Variants in KDM2A observed in about 807,000 individuals in gnomAD.
The protein encoded by KDM2A is lysine-specific demethylase 2A.
Under a neutral mutation model 137.3 loss-of-function variants are expected in KDM2A, and 3 were observed. That is an observed-to-expected ratio of 0.02 (90% CI 0.01 to 0.06). The LOEUF (loss-of-function observed/expected upper bound fraction) is 0.06. Among genes scored for constraint, KDM2A ranks in the 10% least tolerant of loss-of-function variants. The pLI, the probability that KDM2A is intolerant of heterozygous loss-of-function variation, is 1.00. For synonymous variants in KDM2A, 512 were observed against 541.5 expected (o/e 0.95, Z 0.76); for missense variants, 738 against 1,510.6 (o/e 0.49, Z 8.48).
chr11:67,255,625 C>T lies in KDM2A; in HGVS notation c.*570C>T, dbSNP rs1434415621. The T allele has an allele frequency of 8.8e-6, 4 of 454,138 alleles. No individual in the cohort carries two copies. Among genetic ancestry groups the T allele is most frequent in the South Asian group, 1.6e-5 (1 of 64,394 alleles). 28.1% of individuals were successfully genotyped at this position (454,138 alleles called of 1,614,324 possible). A position where few individuals can be genotyped will look rare whatever the true frequency, so the allele number is the denominator to read the frequency against. On this transcript the variant is annotated 3_prime_UTR_variant, in exon 21 of 21. Coordinates refer to ENST00000529006, the MANE Select transcript of KDM2A (RefSeq NM_012308.3). ...CCCAAACCTCACGTCCTTAACTGTG[C>T]TCTCCCTCCTTTCCTCTCCCTTGAG...
At chr11:67,240,149 G>T (rs1490496723) in intron 12 of KDM2A, 2 of 1,456,688 alleles carry the variant, frequency 1.4e-6, no homozygotes, top group African/African-American at 1.4e-5. Flanking sequence ...GGAGCCCAGA[G>T]CGCTGCACGC....
At position 67,254,460 on chromosome 11, in the gene KDM2A, C is replaced by G. The variant is rs750579484; in HGVS notation, c.3307+42C>G. 4 of 1,536,044 alleles carry G rather than the reference C, an allele frequency of 2.6e-6. No homozygotes were observed. The highest frequency in any genetic ancestry group is 3.6e-6 in the Non-Finnish European group (4 of 1,111,498). ...GTTCATAATCAGCGGTGCCCCCTGC[C>G]TCCAGCCCTCCCTGGAACTTGATCA... On this transcript the variant is annotated intron_variant, in intron 20 of 20. Transcript: ENST00000529006. The surrounding 1 kb of genome is among the most constrained non-coding windows in gnomAD (Gnocchi z 4.7).
intron 4 of KDM2A, 99 bp downstream of exon 4, chr11:67,181,497 T>G: frequency 1.4e-6 from 1 of 719,016 alleles, no homozygotes; most frequent in East Asian, 2.8e-5. Context: ...ACAATAGTAA[T>G]TGAAAATAAT....
rs1859667152 is a variant in KDM2A at position 67,258,017 on chromosome 11, TAG to T, written c.*2963_*2964del. 1 of 152,246 alleles carries T rather than the reference TAG, an allele frequency of 6.6e-6. No homozygotes were observed. Among genetic ancestry groups the T allele is most frequent in the Non-Finnish European group, 1.5e-5 (1 of 68,042 alleles). 9.4% of individuals were successfully genotyped at this position (152,246 alleles called of 1,614,324 possible). A position where few individuals can be genotyped will look rare whatever the true frequency, so the allele number is the denominator to read the frequency against. ...GCCTCCAATGGGAAATATTTTAATTTAGGTTTTGTTTTTGTTTGGGGGTTTTT... is the reference window on the plus strand; with the variant it reads ...GCCTCCAATGGGAAATATTTTAATTTGTTTTGTTTTTGTTTGGGGGTTTTT... On this transcript the variant is annotated 3_prime_UTR_variant, in exon 21 of 21. Transcript: ENST00000529006.
chr11:67,241,879 G>A (rs1220561606), intron 12 of KDM2A, among the ~76,000 whole-genome samples: 2 of 152,110 alleles, frequency 1.3e-5, no homozygotes, highest in African/African-American at 4.8e-5. Flanking sequence ...GACCAGCCTG[G>A]CCAACATGGT....
chr11:67,164,723 C>T (rs1488097497), intron 2 of KDM2A, among the ~76,000 whole-genome samples: 42 of 151,766 alleles, frequency 2.8e-4, no homozygotes, highest in Admixed American at 2.6e-3. Context: ...CAGGGTCAAG[C>T]GATTCTTCTG....
chr11:67,129,979 T>C (rs1447785781), intron 2 of KDM2A, among the ~76,000 whole-genome samples: 1 of 151,636 alleles, frequency 6.6e-6, no homozygotes, highest in Non-Finnish European at 1.5e-5. Context: ...TTTTTTCTTT[T>C]GTGAGACAGT....
chr11:67,153,828 A>C (rs1207477637), intron 2 of KDM2A, among the ~76,000 whole-genome samples: 1 of 151,944 alleles, frequency 6.6e-6, no homozygotes, highest in Non-Finnish European at 1.5e-5. Context: ...AAAAAAAAAA[A>C]AACACCAAAA....
intron 2 of KDM2A, among the ~76,000 whole-genome samples, chr11:67,172,098 T>G (rs1433789503): frequency 1.3e-5 from 2 of 152,198 alleles, no homozygotes; most frequent in Non-Finnish European, 1.5e-5. Context: ...CAAGCCATCC[T>G]TCTACCTCAG....
At chr11:67,221,334 G>T (rs1294829572) in intron 10 of KDM2A, among the ~76,000 whole-genome samples, 1 of 152,200 alleles carries the variant, frequency 6.6e-6, no homozygotes, top group African/African-American at 2.4e-5. Flanking sequence ...TTGCAGAGAA[G>T]AGTGTAGAAC....
rs1855555047 is a variant in KDM2A, at chr11:67,119,777, A to T, written c.-356A>T. 1 of 150,498 alleles carries T rather than the reference A, an allele frequency of 6.6e-6. No homozygotes were observed. Among genetic ancestry groups the T allele is most frequent in the Non-Finnish European group, 1.5e-5 (1 of 67,424 alleles). The allele number at this position is 150,498 out of a possible 1,614,324, so 9.3% of individuals were successfully genotyped here. ...CCCGGGGCTCGGGCCCGGGCTGCTG[A>T]CCGCTGGCCTGGGGGAGGCGGGGGC... is the stretch of plus-strand genomic sequence containing the variant. On this transcript the variant is annotated 5_prime_UTR_variant, in exon 1 of 21. Coordinates refer to ENST00000529006, the MANE Select transcript of KDM2A (RefSeq NM_012308.3).
intron 2 of KDM2A, among the ~76,000 whole-genome samples, chr11:67,156,250 A>C (rs1490817767): frequency 7.1e-6 from 1 of 141,244 alleles, no homozygotes; most frequent in Admixed American, 6.9e-5. Context: ...CTCCGTCTCA[A>C]AAAAAAAAAA....
intron 9 of KDM2A, 105 bp from the exon 10 acceptor site, chr11:67,219,183 G>C: frequency 2.1e-6 from 1 of 467,488 alleles, no homozygotes; most frequent in Non-Finnish European, 3.8e-6. Flanking sequence ...CTAAGAAGCA[G>C]AATCAGAGTG....
At chr11:67,133,330 G>C (rs1855895972) in intron 2 of KDM2A, among the ~76,000 whole-genome samples, 1 of 152,026 alleles carries the variant, frequency 6.6e-6, no homozygotes, top group African/African-American at 2.4e-5. Context: ...TCAAACTCCT[G>C]ACCTCAAGTG....
chr11:67,231,451 A>C, intron 11 of KDM2A, 115 bp from the exon 12 acceptor site: 1 of 935,436 alleles, frequency 1.1e-6, no homozygotes. Flanking sequence ...CATTTTTTTA[A>C]ATGTGGTAAT....
At chr11:67,248,531 ATTTTC>A in intron 16 of KDM2A, 161 bp downstream of exon 16, 1 of 574,828 alleles carries the variant, frequency 1.7e-6, no homozygotes, top group South Asian at 2.2e-5. Context: ...AATTTTTAGT[ATTTTC>A]TTTGTTAGAG....
intron 2 of KDM2A, among the ~76,000 whole-genome samples, chr11:67,124,074 G>A (rs925141979): frequency 6.6e-6 from 1 of 152,056 alleles, no homozygotes; most frequent in Non-Finnish European, 1.5e-5. Context: ...CACTATCAGG[G>A]CTCACTGCAA....
intron 2 of KDM2A, among the ~76,000 whole-genome samples, chr11:67,170,210 C>T (rs1856848904): frequency 6.6e-6 from 1 of 151,834 alleles, no homozygotes; most frequent in East Asian, 1.9e-4. Flanking sequence ...TTCATTTCAG[C>T]CAGAATAGTT....
Position 67,243,029 on chromosome 11 carries a change from C to G in KDM2A, c.1500C>G (p.Ala500=). Reference sequence around the variant, plus strand: ...CTTAGATTTTGCTGGAGGAGCTTGCCAACAGCGATCCCAAGTTAGCCCTCA... The same window carrying G: ...CTTAGATTTTGCTGGAGGAGCTTGCGAACAGCGATCCCAAGTTAGCCCTCA... ...ADVKILLEEL[A]NSDPKLALTG... The change falls in exon 13 of 21, where the codon GCC becomes GCG. Residue 500 remains alanine, a synonymous_variant. Coordinates refer to ENST00000529006, the MANE Select transcript of KDM2A (RefSeq NM_012308.3). 1.2e-6 allele frequency: 2 copies of G among 1,613,726 alleles called. No homozygotes were observed.
Sources: gnomAD v4.1 joint callset for allele counts (sites outside exome capture counted in the v4.1 genomes callset) on GRCh38, gnomAD v4.1.1 for gene constraint, Gnocchi (gnomAD v3.1) non-coding constraint, MANE v1.5 for transcripts, NCBI Gene and HGNC (gene_info 2026-07-23, HGNC 2026-07-21) for gene names.